The following DYSF variants were observed in gnomAD, a reference collection of about 807,000 sequenced individuals.
DYSF encodes dystrophy-associated fer-1-like 1.
In DYSF, 212 loss-of-function variants were observed where a neutral mutation model predicts 274.9. The ratio of observed to expected loss-of-function variants is 0.77; its 90% CI spans 0.69 to 0.86. The LOEUF is 0.86. Among genes scored for constraint, DYSF ranks in the 40% least tolerant of loss-of-function variants. The probability of loss-of-function intolerance (pLI) is 0.00; values close to 1 mark genes in which losing one functional copy is unlikely to be tolerated. For synonymous variants in DYSF, 1,091 were observed against 1,078.7 expected, an observed-to-expected ratio of 1.01 and a Z score of -0.22; for missense variants, 2,666 against 2,783.2, an observed-to-expected ratio of 0.96 and a Z score of 0.95.
intron 16 of DYSF, among the ~76,000 whole-genome samples, chr2:71,537,556 TATTAATATC>T (rs1228370594): frequency 6.6e-6 from 1 of 152,204 alleles, no homozygotes. Context: ...TTTCAGTTCT[TATTAATATC>T]ATTTACTTGG....
chr2:71,648,091 A>G (rs1456849162), intron 42 of DYSF, among the ~76,000 whole-genome samples: 1 of 152,256 alleles, frequency 6.6e-6, no homozygotes, highest in East Asian at 1.9e-4. Flanking sequence ...AAAACGGTGT[A>G]GCCTGAATTC....
At chr2:71,503,808 T>C (rs982940940) in intron 4 of DYSF, among the ~76,000 whole-genome samples, 3 of 152,190 alleles carry the variant, frequency 2.0e-5, no homozygotes, top group African/African-American at 7.2e-5. Flanking sequence ...TTCCTGCCCC[T>C]CCCTGGCCTT....
chr2:71,493,725 G>A (rs976576893), intron 3 of DYSF, among the ~76,000 whole-genome samples: 5 of 151,948 alleles, frequency 3.3e-5, no homozygotes, highest in Non-Finnish European at 5.9e-5. Flanking sequence ...GATGGCATGC[G>A]CCTGTAGTCC....
chr2:71,499,188 G>A (rs1015475239), intron 3 of DYSF, among the ~76,000 whole-genome samples: 2 of 151,946 alleles, frequency 1.3e-5, no homozygotes, highest in African/African-American at 4.8e-5. Flanking sequence ...TTGCTTAATC[G>A]CCCATATAGA....
intron 54 of DYSF, 109 bp from the exon 55 acceptor site, chr2:71,682,421 G>C: frequency 7.2e-7 from 1 of 1,391,110 alleles, no homozygotes; most frequent in Non-Finnish European, 1.0e-6. Context: ...GCAGGCGCTG[G>C]GGGTGGACTG....
At chr2:71,470,355 T>C (rs1234649015) in intron 1 of DYSF, among the ~76,000 whole-genome samples, 1 of 152,178 alleles carries the variant, frequency 6.6e-6, no homozygotes, top group African/African-American at 2.4e-5. Context: ...CCTAGCTGTT[T>C]ACATATTACA....
At chr2:71,485,937 C>T (rs1019315689) in intron 3 of DYSF, among the ~76,000 whole-genome samples, 1 of 152,032 alleles carries the variant, frequency 6.6e-6, no homozygotes, top group Non-Finnish European at 1.5e-5. Context: ...TCTCGGCCTC[C>T]CAAAATGCTG....
At position 71,680,171 on chromosome 2, in the gene DYSF, T is replaced by A. The variant is rs138027096; in HGVS notation, c.6064-830T>A. On this transcript the variant is annotated intron_variant, in intron 53 of 55. Coordinates refer to ENST00000410020, the MANE Select transcript of DYSF (RefSeq NM_001130987.2). ...GGTGAATGTGGTCTTTCTCTCTGTG[T>A]GTCAAAATATCTTACTGTACTGCCC... 3.1e-4 allele frequency among the ~76,000 whole-genome samples: 47 copies of A among 152,348 alleles called. No homozygotes were observed. The East Asian group carries it at 8.5e-3, about 27-fold the overall frequency.
intron 5 of DYSF, among the ~76,000 whole-genome samples, chr2:71,512,299 C>A (rs960784890): frequency 1.3e-5 from 2 of 152,176 alleles, no homozygotes; most frequent in Non-Finnish European, 2.9e-5. Flanking sequence ...CTCCCCAGAA[C>A]CGAATGTTTC....
intron 3 of DYSF, among the ~76,000 whole-genome samples, chr2:71,499,839 C>T (rs1030353184): frequency 1.3e-5 from 2 of 152,216 alleles, no homozygotes; most frequent in Admixed American, 6.5e-5. Context: ...GTGTTTTCCT[C>T]CATGTGGGCT....
At position 71,480,938 on chromosome 2, in the gene DYSF, G is replaced by A. The variant is rs376668684; in HGVS notation, c.147G>A (p.Glu49=). ...IKNSVNPVWN[E]GFEWDLKGIP... Reference sequence around the variant, plus strand: ...ACAGCGTGAACCCTGTATGGAATGAGGTATGTGAGTTTTTCTCCTTCCTTT... The same window carrying A: ...ACAGCGTGAACCCTGTATGGAATGAAGTATGTGAGTTTTTCTCCTTCCTTT... The change falls in exon 2 of 56, where the codon GAG becomes GAA. Residue 49 remains glutamate (E), a splice_region_variant and synonymous_variant. Coordinates refer to ENST00000410020, the MANE Select transcript of DYSF (RefSeq NM_001130987.2). The A allele has an allele frequency of 6.2e-7, 1 of 1,614,018 alleles. No homozygotes were observed.
chr2:71,529,404 G>A (rs926577342), intron 14 of DYSF, among the ~76,000 whole-genome samples: 1 of 152,152 alleles, frequency 6.6e-6, no homozygotes, highest in African/African-American at 2.4e-5. Context: ...TTGTTCGATT[G>A]TTTCCTTCTG....
Position 71,686,564 on chromosome 2 carries a change from G to A in DYSF, c.*72G>A. 1.3e-6 allele frequency: 2 copies of A among 1,573,484 alleles called. No individual in the cohort carries two copies. The highest frequency in any genetic ancestry group is 1.1e-5 in the South Asian group (1 of 90,290). ...GGGACTGGCCTGCCTCCTCCGCCCA[G>A]CTCGGCGAGCTCCTCCAGACCTCCT... On this transcript the variant is annotated 3_prime_UTR_variant, in exon 56 of 56. Transcript: ENST00000410020.
At chr2:71,458,365 T>G (rs1428324608) in intron 1 of DYSF, among the ~76,000 whole-genome samples, 1 of 152,236 alleles carries the variant, frequency 6.6e-6, no homozygotes, top group Non-Finnish European at 1.5e-5. Context: ...CTTTTTTGCT[T>G]GGTGAATTCT....
chr2:71,516,876 TTGAG>T lies in DYSF; in HGVS notation c.952-111_952-108del, dbSNP rs909690652. On this transcript the variant is annotated intron_variant, in intron 9 of 55. Transcript: ENST00000410020. ...ACACTGCTTAGAACAGTCTCTGGAA[TTGAG>T]TAAGTGTGAAGTGTTGGCAGTTATT... The T allele has an allele frequency of 5.2e-6, 5 of 959,004 alleles. No individual in the cohort carries two copies. In the African/African-American group the frequency reaches 8.0e-5, roughly 15 times the overall value. 59.4% of individuals were successfully genotyped at this position (959,004 alleles called of 1,614,324 possible).
chr2:71,669,530 C>A, intron 50 of DYSF, 75 bp from the exon 51 acceptor site: 1 of 1,579,214 alleles, frequency 6.3e-7, no homozygotes, highest in Admixed American at 1.7e-5. Context: ...AACTCCTTGT[C>A]TGCCTAAGTT....
rs1052533981 is a variant in DYSF, at chr2:71,645,345, A to G, written c.4626+1282A>G. ...GTTTTCCCCTGGAGTCGCGCTGCTC[A>G]GTGGCCTGGACTCTCCTCCCACCAC... is the stretch of plus-strand genomic sequence containing the variant. On this transcript the variant is annotated intron_variant, in intron 42 of 55. Coordinates refer to ENST00000410020, the MANE Select transcript of DYSF (RefSeq NM_001130987.2). Among the ~76,000 whole-genome samples, 7 of 152,214 alleles carry G rather than the reference A, an allele frequency of 4.6e-5. No individual in the cohort carries two copies. In the South Asian group the frequency reaches 1.0e-3, roughly 23 times the overall value.
At chr2:71,644,230 C>T (rs554868699) in intron 42 of DYSF, among the ~76,000 whole-genome samples, 167 bp downstream of exon 42, 1 of 152,068 alleles carries the variant, frequency 6.6e-6, no homozygotes, top group Admixed American at 6.6e-5. Flanking sequence ...AGCCACCCAC[C>T]GATTTACAGC....
chr2:71,484,819 C>T (rs12151639), intron 3 of DYSF, among the ~76,000 whole-genome samples: 17,687 of 152,212 alleles, frequency 0.12, 1,206 homozygotes, highest in East Asian at 0.21. Flanking sequence ...GGCTAGCCCT[C>T]AGGGTAACGG....
Sources: allele counts gnomAD v4.1 joint callset (sites outside exome capture counted in the v4.1 genomes callset), GRCh38; gene constraint gnomAD v4.1.1; transcripts MANE v1.5; gene names NCBI Gene and HGNC (gene_info 2026-07-23, HGNC 2026-07-21).